The following CNTNAP5 variants were observed in gnomAD, a reference collection of about 807,000 sequenced individuals.
CNTNAP5 encodes contactin-associated protein-like 5.
CNTNAP5 carries 72 observed loss-of-function variants against 150.2 expected under a neutral mutation model. The observed-to-expected ratio is 0.48, with a 90% CI of 0.40 to 0.58. The LOEUF is 0.58. Ranked by LOEUF, CNTNAP5 falls within the 20% of genes least tolerant of loss-of-function variation. The pLI, the probability that CNTNAP5 is intolerant of heterozygous loss-of-function variation, is 0.00. For missense variants in CNTNAP5, 1,636 were observed against 1,626.2 expected, an observed-to-expected ratio of 1.01 and a Z score of -0.10; for synonymous variants, 672 against 619.8, an observed-to-expected ratio of 1.08 and a Z score of -1.25.
intron 4 of CNTNAP5, among the ~76,000 whole-genome samples, chr2:124,419,988 CT>C (rs772589224): frequency 5.1e-5 from 4 of 78,880 alleles, no homozygotes; most frequent in African/African-American, 2.0e-4. Flanking sequence ...TTCTTTCTTT[CT>C]TTTTTTTTTT....
At chr2:124,836,406 C>G (rs77782784) in intron 19 of CNTNAP5, among the ~76,000 whole-genome samples, 1,953 of 152,222 alleles carry the variant, frequency 0.013, 47 homozygotes, top group African/African-American at 0.044. Context: ...ACAGCTTATC[C>G]TCTTACAGGC....
chr2:124,406,746 G>A (rs1056126461), intron 3 of CNTNAP5, among the ~76,000 whole-genome samples: 4 of 152,100 alleles, frequency 2.6e-5, no homozygotes, highest in African/African-American at 9.7e-5. Context: ...TATAATACAT[G>A]TTGTTGTTAA....
chr2:124,228,834 A>C (rs192213832), intron 2 of CNTNAP5, among the ~76,000 whole-genome samples: 1 of 152,258 alleles, frequency 6.6e-6, no homozygotes, highest in East Asian at 1.9e-4. Flanking sequence ...ATCCCACTCA[A>C]GATGAAATTT....
intron 21 of CNTNAP5, among the ~76,000 whole-genome samples, chr2:124,870,622 C>T (rs933186347): frequency 1.1e-4 from 15 of 140,172 alleles, no homozygotes; most frequent in African/African-American, 4.6e-4. Flanking sequence ...TTCTGACTCT[C>T]TCTCTATCAC....
chr2:124,251,280 C>G (rs1480669659), intron 3 of CNTNAP5, among the ~76,000 whole-genome samples: 2 of 140,166 alleles, frequency 1.4e-5, no homozygotes, highest in Non-Finnish European at 3.1e-5. Flanking sequence ...GAAAAAGAAA[C>G]AGTTTTCCCC....
chr2:124,458,019 A>G (rs528846615), intron 6 of CNTNAP5, among the ~76,000 whole-genome samples: 216 of 116,656 alleles, frequency 1.9e-3, no homozygotes, highest in African/African-American at 6.5e-3. Flanking sequence ...TCCTTAAAGA[A>G]CTAAAAGTAG....
At chr2:124,060,697 C>G (rs1386313969) in intron 1 of CNTNAP5, among the ~76,000 whole-genome samples, 1 of 152,170 alleles carries the variant, frequency 6.6e-6, no homozygotes, top group Non-Finnish European at 1.5e-5. Flanking sequence ...ACAAGCATTT[C>G]TTACAGAAGA....
chr2:124,617,806 G>T (rs1455323935), intron 12 of CNTNAP5, among the ~76,000 whole-genome samples: 2 of 152,140 alleles, frequency 1.3e-5, no homozygotes, highest in Non-Finnish European at 2.9e-5. Flanking sequence ...ATGACAAGGT[G>T]TGCATAGTGC....
intron 17 of CNTNAP5, among the ~76,000 whole-genome samples, chr2:124,785,194 G>T (rs532983086): frequency 1.3e-4 from 20 of 152,178 alleles, no homozygotes; most frequent in African/African-American, 4.1e-4. Context: ...AGAGCAATAG[G>T]GGAAAAATTA....
At chr2:124,455,908 C>T (rs1486422771) in intron 6 of CNTNAP5, among the ~76,000 whole-genome samples, 2 of 152,134 alleles carry the variant, frequency 1.3e-5, no homozygotes, top group East Asian at 3.9e-4. Flanking sequence ...ATGCAAGGGA[C>T]ATACTTCCAT....
At chr2:124,564,632 G>A (rs1695971768) in intron 11 of CNTNAP5, among the ~76,000 whole-genome samples, 1 of 152,148 alleles carries the variant, frequency 6.6e-6, no homozygotes, top group African/African-American at 2.4e-5. Flanking sequence ...GGGATTACAG[G>A]CCTGAGCCAC....
chr2:124,619,264 G>C (rs1326177145), intron 12 of CNTNAP5, among the ~76,000 whole-genome samples: 1 of 152,064 alleles, frequency 6.6e-6, no homozygotes, highest in Non-Finnish European at 1.5e-5. Context: ...TGGGTTTCTG[G>C]ATGAAAATGC....
chr2:124,276,406 A>T (rs1382828399), intron 3 of CNTNAP5, among the ~76,000 whole-genome samples: 1 of 152,232 alleles, frequency 6.6e-6, no homozygotes, highest in Non-Finnish European at 1.5e-5. Flanking sequence ...AGACTGAATC[A>T]AGAAAACAAC....
At chr2:124,553,167 A>G (rs904199991) in intron 10 of CNTNAP5, among the ~76,000 whole-genome samples, 1 of 152,180 alleles carries the variant, frequency 6.6e-6, no homozygotes, top group Non-Finnish European at 1.5e-5. Context: ...GTATTATAAC[A>G]CAAAACACTG....
At chr2:124,301,151 T>G (rs773605071) in intron 3 of CNTNAP5, among the ~76,000 whole-genome samples, 9 of 152,226 alleles carry the variant, frequency 5.9e-5, no homozygotes, top group Middle Eastern at 3.2e-3. Context: ...TTGCTAGTAC[T>G]GACTCTTTTG....
At chr2:124,787,064 G>A (rs369530379) in intron 17 of CNTNAP5, among the ~76,000 whole-genome samples, 72 of 150,694 alleles carry the variant, frequency 4.8e-4, no homozygotes, top group Middle Eastern at 3.4e-3. Context: ...ATTTTTGCCC[G>A]AGAAACCACC....
chr2:124,910,273 G>A (rs1034393245), intron 22 of CNTNAP5, among the ~76,000 whole-genome samples: 2 of 151,988 alleles, frequency 1.3e-5, no homozygotes, highest in Non-Finnish European at 2.9e-5. Flanking sequence ...GGTCCCACTC[G>A]TGAGACTAGG....
chr2:124,500,451 T>G (rs917518053), intron 7 of CNTNAP5, among the ~76,000 whole-genome samples: 1 of 152,158 alleles, frequency 6.6e-6, no homozygotes, highest in African/African-American at 2.4e-5. Flanking sequence ...GGAAAATTAC[T>G]TAGAGGTAGG....
chr2:124,052,451 C>T lies in CNTNAP5; in HGVS notation c.82+26719C>T, dbSNP rs560200813. 5.9e-5 allele frequency among the ~76,000 whole-genome samples: 9 copies of T among 152,256 alleles called. No homozygotes were observed. In the South Asian group the frequency reaches 6.2e-4, roughly 11 times the overall value. ...GAATGAGAGGCAGCCTGGATGTTTA[C>T]GTTATTCCCTCTCAACCAAGGGTCC... On this transcript the variant is annotated intron_variant, in intron 1 of 23. Coordinates refer to ENST00000682447, the MANE Select transcript of CNTNAP5 (RefSeq NM_001367498.1).
Sources: gnomAD v4.1 joint callset for allele counts (sites outside exome capture counted in the v4.1 genomes callset) on GRCh38, gnomAD v4.1.1 for gene constraint, MANE v1.5 for transcripts, NCBI Gene and HGNC (gene_info 2026-07-23, HGNC 2026-07-21) for gene names.